The following FBXL18 variants were observed in gnomAD, a reference collection of about 807,000 sequenced individuals.
FBXL18 encodes the protein F-box and leucine rich repeat protein 18.
FBXL18 carries 36 observed loss-of-function variants against 46.0 expected under a neutral mutation model. The ratio of observed to expected loss-of-function variants is 0.78; its 90% confidence interval spans 0.60 to 1.03. The LOEUF (loss-of-function observed/expected upper bound fraction) is 1.03. FBXL18 is among the 50% of genes least tolerant of loss of function. FBXL18 has a pLI of 0.00. For missense variants in FBXL18, 977 were observed against 1,004.1 expected, an observed-to-expected ratio of 0.97 and a Z score of 0.36; for synonymous variants, 557 against 465.3, an observed-to-expected ratio of 1.20 and a Z score of -2.54.
At chr7:5,458,141 T>C (rs1300802137) in intron 4 of FBXL18, among the ~76,000 whole-genome samples, 1 of 151,744 alleles carries the variant, frequency 6.6e-6, no homozygotes, top group East Asian at 1.9e-4. Context: ...GTTTCAGGAT[T>C]TGGCTGAAGT....
Position 5,510,318 on chromosome 7 carries a change from A to G in FBXL18, c.18+3339T>C, listed in dbSNP as rs535317219. 2.3e-3 allele frequency among the ~76,000 whole-genome samples: 345 copies of G among 150,860 alleles called. 1 individual carries two copies. The highest frequency in any genetic ancestry group is 7.5e-3 in the African/African-American group (309 of 41,206). On this transcript the variant is annotated intron_variant, in intron 1 of 4. Transcript: ENST00000382368. Reference sequence around the variant, plus strand: ...ACTCTGTCTCAAAAAAAAAAAAAAAAAAAGAAAAGAAAAAAAAACCCAAGT... The same window carrying G: ...ACTCTGTCTCAAAAAAAAAAAAAAAGAAAGAAAAGAAAAAAAAACCCAAGT...
At chr7:5,489,992 A>G in intron 4 of FBXL18, 1 of 1,285,278 alleles carries the variant, frequency 7.8e-7, no homozygotes, top group Non-Finnish European at 1.0e-6. Flanking sequence ...AAATTTTTAA[A>G]AAGTACTCTA....
At position 5,455,165 on chromosome 7, in the gene FBXL18, C is replaced by T. The variant is rs112841972; in HGVS notation, c.2001-7322G>A. On this transcript the variant is annotated intron_variant and NMD_transcript_variant, in intron 4 of 6. Coordinates refer to the FBXL18 transcript ENST00000415009. The surrounding 1 kb of genome is among the most constrained non-coding windows in gnomAD (Gnocchi z 4.6). ...AACCCTGGCACTACTGGGGAGGACT[C>T]TTGGGGATTATCTTGAGAGCACTCT... Among the ~76,000 whole-genome samples, 128 of 152,174 alleles carry T rather than the reference C, an allele frequency of 8.4e-4. 2 individuals are homozygous for T. The highest frequency in any genetic ancestry group is 1.6e-3 in the Non-Finnish European group (106 of 67,986).
At position 5,500,483 on chromosome 7, in the gene FBXL18, C is replaced by G. The variant is rs1018689704; in HGVS notation, c.1781+5G>C. On this transcript the variant is annotated splice_donor_5th_base_variant and intron_variant, in intron 3 of 4. Coordinates refer to ENST00000382368, the MANE Select transcript of FBXL18 (RefSeq NM_024963.6). ...AGGCCCGAGAGGTCCCCGCGGCCCCCTCACCTGAGGTCCCTCAGCCGCTTG... is the reference window on the plus strand; with the variant it reads ...AGGCCCGAGAGGTCCCCGCGGCCCCGTCACCTGAGGTCCCTCAGCCGCTTG... 6.3e-7 allele frequency: 1 copy of G among 1,591,474 alleles called. No homozygotes were observed. The highest frequency in any genetic ancestry group is 8.6e-7 in the Non-Finnish European group (1 of 1,166,702).
At chr7:5,490,951 T>C (rs1783905777) in intron 4 of FBXL18, among the ~76,000 whole-genome samples, 1 of 152,184 alleles carries the variant, frequency 6.6e-6, no homozygotes, top group South Asian at 2.1e-4. Flanking sequence ...ACAGTGAGAC[T>C]CCGTCTCAAA....
At chr7:5,490,641 A>G (rs888726778) in intron 4 of FBXL18, among the ~76,000 whole-genome samples, 1 of 152,174 alleles carries the variant, frequency 6.6e-6, no homozygotes, top group African/African-American at 2.4e-5. Flanking sequence ...GATCCAAACA[A>G]CGGGCAGAGA....
chr7:5,468,804 T>C (rs1282542092), intron 4 of FBXL18, among the ~76,000 whole-genome samples: 1 of 152,032 alleles, frequency 6.6e-6, no homozygotes, highest in Non-Finnish European at 1.5e-5. Context: ...TCTCACTATG[T>C]TGCCCAGGCT....
chr7:5,491,613 C>T (rs1274367032), intron 3 of FBXL18, among the ~76,000 whole-genome samples, 164 bp from the exon 4 acceptor site: 2 of 152,204 alleles, frequency 1.3e-5, no homozygotes, highest in Admixed American at 6.5e-5. Flanking sequence ...TACTGGGTGC[C>T]GACTCAGGCC....
At chr7:5,489,689 G>A (rs1220579564) in intron 4 of FBXL18, 1 of 226,988 alleles carries the variant, frequency 4.4e-6, no homozygotes, top group Admixed American at 5.2e-5. Flanking sequence ...TGAGGCAGGA[G>A]AATGTCGTGA....
chr7:5,471,483 A>G (rs1036104940), downstream of FBXL18, among the ~76,000 whole-genome samples: 3 of 152,052 alleles, frequency 2.0e-5, no homozygotes, highest in Non-Finnish European at 4.4e-5. Flanking sequence ...TCACCATGTT[A>G]GCCAGGATGG....
intron 1 of FBXL18, among the ~76,000 whole-genome samples, chr7:5,506,309 C>T (rs1176072964): frequency 6.8e-6 from 1 of 147,096 alleles, no homozygotes; most frequent in Non-Finnish European, 1.5e-5. Flanking sequence ...AGTGCAGTGG[C>T]GCAATCTCGG....
intron 4 of FBXL18, among the ~76,000 whole-genome samples, chr7:5,488,548 C>T (rs1422102162): frequency 2.0e-5 from 3 of 152,190 alleles, no homozygotes; most frequent in South Asian, 2.1e-4. Flanking sequence ...GAGACCGTCC[C>T]GCATGGGATG....
chr7:5,485,192 T>C (rs775522979), intron 4 of FBXL18, among the ~76,000 whole-genome samples: 66 of 152,160 alleles, frequency 4.3e-4, no homozygotes, highest in Non-Finnish European at 7.9e-4. Context: ...AGGAGCAGCC[T>C]GCTTTGGATG....
intron 4 of FBXL18, among the ~76,000 whole-genome samples, chr7:5,486,633 A>G (rs1783783928): frequency 6.6e-6 from 1 of 152,212 alleles, no homozygotes; most frequent in Admixed American, 6.5e-5. Flanking sequence ...AGCCTGGGCA[A>G]CAGAGAGAGA....
intron 1 of FBXL18, among the ~76,000 whole-genome samples, chr7:5,509,021 C>A (rs1784462404): frequency 6.6e-6 from 1 of 151,904 alleles, no homozygotes; most frequent in South Asian, 2.1e-4. Context: ...GATGAAACCC[C>A]ATCTCCACTA....
At chr7:5,464,789 C>T (rs868463001) in intron 4 of FBXL18, among the ~76,000 whole-genome samples, 6 of 137,026 alleles carry the variant, frequency 4.4e-5, no homozygotes, top group Non-Finnish European at 7.7e-5. Flanking sequence ...AGTGGCTGGG[C>T]GTGGTGGCTC....
At chr7:5,488,568 GC>G (rs972394142) in intron 4 of FBXL18, among the ~76,000 whole-genome samples, 4 of 152,182 alleles carry the variant, frequency 2.6e-5, no homozygotes, top group African/African-American at 9.7e-5. Flanking sequence ...GGGTCTGAGG[GC>G]CCCAGACTCA....
rs868610969 is a variant in FBXL18, at chr7:5,489,607, A to G, written c.2000+1624T>C. The G allele has an allele frequency of 3.1e-4, 42 of 134,482 alleles. No individual in the cohort carries two copies. In the South Asian group the frequency reaches 4.1e-3, roughly 13 times the overall value. 8.3% of individuals were successfully genotyped at this position (134,482 alleles called of 1,614,324 possible). A position where few individuals can be genotyped will look rare whatever the true frequency, so the allele number is the denominator to read the frequency against. On this transcript the variant is annotated intron_variant, in intron 4 of 4. Coordinates refer to ENST00000382368, the MANE Select transcript of FBXL18 (RefSeq NM_024963.6). ...AACACAGTGAAACCCCGTCTCTACT[A>G]AAAAAAAAAAAAATACAAAAAATTA...
chr7:5,501,216 GCT>G lies in FBXL18; in HGVS notation c.1051_1052del (p.Ser351ArgfsTer76). The G allele has an allele frequency of 6.2e-7, 1 of 1,613,134 alleles. No homozygotes were observed. The highest frequency in any genetic ancestry group is 8.5e-7 in the Non-Finnish European group (1 of 1,179,674). ...DLRSLASLNL[S>X]GCVHCLSPDS... ...CTGGGGACAGGCAGTGGACGCAGCC[GCT>G]GAGGTTCAAGCTGGCCAGGCTCCGC... is the stretch of plus-strand genomic sequence containing the variant. On this transcript the variant is annotated frameshift_variant, in exon 3 of 5. Coordinates refer to ENST00000382368, the MANE Select transcript of FBXL18 (RefSeq NM_024963.6). LOFTEE classifies it high-confidence loss of function.
Sources: allele counts gnomAD v4.1 joint callset (sites outside exome capture counted in the v4.1 genomes callset), GRCh38; gene constraint gnomAD v4.1.1; non-coding constraint Gnocchi (gnomAD v3.1); transcripts MANE v1.5; gene names NCBI Gene and HGNC (gene_info 2026-07-23, HGNC 2026-07-21).